The following CFAP61 variants were observed in gnomAD, a reference collection of about 807,000 sequenced individuals.
CFAP61 encodes cilia- and flagella-associated protein 61.
CFAP61 carries 107 observed loss-of-function variants against 135.6 expected under a neutral mutation model. The observed-to-expected ratio is 0.79, with a 90% CI of 0.67 to 0.93. CFAP61 has a LOEUF of 0.93. Ranked by LOEUF, CFAP61 falls within the 40% of genes least tolerant of loss-of-function variation. The pLI is 0.00. For missense variants in CFAP61, 1,507 were observed against 1,556.2 expected (o/e 0.97, Z 0.53); for synonymous variants, 575 against 578.5 (o/e 0.99, Z 0.09).
chr20:20,100,827 T>C (rs547927900), intron 8 of CFAP61, among the ~76,000 whole-genome samples: 62 of 152,280 alleles, frequency 4.1e-4, no homozygotes, highest in African/African-American at 1.5e-3. Context: ...AGTATATCTC[T>C]AGCAAGAGCC....
chr20:20,279,172 CTT>C lies in CFAP61; in HGVS notation c.2796+1716_2796+1717del, dbSNP rs565337303. Among the ~76,000 whole-genome samples, 7 of 152,220 alleles carry C rather than the reference CTT, an allele frequency of 4.6e-5. No homozygotes were observed. In the South Asian group the frequency reaches 1.5e-3, roughly 32 times the overall value. On this transcript the variant is annotated intron_variant, in intron 22 of 26. Coordinates refer to ENST00000245957, the MANE Select transcript of CFAP61 (RefSeq NM_015585.4). The stretch of plus-strand genomic sequence containing the variant: ...TGGATAGCAGCTCTTCTGACCTTCA[CTT>C]TCCTATTCAGATTAGAATCAAACTC...
chr20:20,313,448 G>T (rs867750767), intron 25 of CFAP61, among the ~76,000 whole-genome samples: 90 of 152,204 alleles, frequency 5.9e-4, no homozygotes, highest in African/African-American at 1.9e-3. Flanking sequence ...GTAGGCTGCG[G>T]TGTAGGCAAA....
chr20:20,161,317 G>A (rs2053386380), intron 10 of CFAP61, among the ~76,000 whole-genome samples: 1 of 152,128 alleles, frequency 6.6e-6, no homozygotes, highest in Non-Finnish European at 1.5e-5. Flanking sequence ...GAAGACACCT[G>A]AGTCAACAAG....
At chr20:20,096,613 A>G (rs976632609) in intron 7 of CFAP61, among the ~76,000 whole-genome samples, 2 of 152,246 alleles carry the variant, frequency 1.3e-5, no homozygotes, top group African/African-American at 4.8e-5. Context: ...GCTGTAGATT[A>G]GAAGGACATC....
chr20:20,215,298 C>T (rs897005531), intron 17 of CFAP61: 2 of 152,226 alleles, frequency 1.3e-5, no homozygotes, highest in African/African-American at 2.4e-5. Flanking sequence ...TTAGTTCCCA[C>T]GCAGGTTTCT....
At chr20:20,199,076 CA>C (rs1056836924) in intron 16 of CFAP61, among the ~76,000 whole-genome samples, 95 of 152,250 alleles carry the variant, frequency 6.2e-4, no homozygotes, top group African/African-American at 2.2e-3. Flanking sequence ...TGGATAAAAT[CA>C]ATATTTAAAG....
chr20:20,130,012 G>A (rs576008896), intron 8 of CFAP61, among the ~76,000 whole-genome samples: 11 of 151,456 alleles, frequency 7.3e-5, no homozygotes, highest in Non-Finnish European at 1.0e-4. Flanking sequence ...CTGAGTAGCC[G>A]GGCGCGATGG....
At chr20:20,202,215 G>A (rs1465132891) in intron 17 of CFAP61, among the ~76,000 whole-genome samples, 2 of 152,248 alleles carry the variant, frequency 1.3e-5, no homozygotes, top group Admixed American at 6.5e-5. Context: ...AAGATGTATT[G>A]TTGAAACCCA....
At chr20:20,344,311 A>T (rs920877184) in intron 26 of CFAP61, among the ~76,000 whole-genome samples, 1 of 152,250 alleles carries the variant, frequency 6.6e-6, no homozygotes, top group African/African-American at 2.4e-5. Flanking sequence ...CACGAGCAGC[A>T]GTGGAGGTGA....
chr20:20,109,083 T>C (rs1238453500), intron 8 of CFAP61, among the ~76,000 whole-genome samples: 1 of 152,182 alleles, frequency 6.6e-6, no homozygotes, highest in Non-Finnish European at 1.5e-5. Context: ...TTTATTTTTG[T>C]TTGTTTGATG....
intron 9 of CFAP61, among the ~76,000 whole-genome samples, chr20:20,154,754 A>G (rs1006220797): frequency 6.6e-6 from 1 of 152,168 alleles, no homozygotes; most frequent in Non-Finnish European, 1.5e-5. Flanking sequence ...ACTACAAAAT[A>G]CTGCTGAAAG....
At chr20:20,191,603 A>G (rs2055925578) in intron 15 of CFAP61, among the ~76,000 whole-genome samples, 184 bp downstream of exon 15, 1 of 152,088 alleles carries the variant, frequency 6.6e-6, no homozygotes, top group Admixed American at 6.5e-5. Flanking sequence ...ATTTTTTTGC[A>G]GTTCAGAATA....
At chr20:20,297,133 C>G (rs2055697276) in intron 24 of CFAP61, among the ~76,000 whole-genome samples, 1 of 152,020 alleles carries the variant, frequency 6.6e-6, no homozygotes, top group African/African-American at 2.4e-5. Context: ...TTGGCTGAGT[C>G]CCCCCAGAGG....
chr20:20,355,366 G>A (rs1194742670), intron 26 of CFAP61, among the ~76,000 whole-genome samples: 2 of 120,176 alleles, frequency 1.7e-5, no homozygotes, highest in African/African-American at 3.3e-5. Flanking sequence ...TGGTCACACT[G>A]AGGGGAGGTA....
At chr20:20,147,307 T>C (rs2051974638) in intron 9 of CFAP61, among the ~76,000 whole-genome samples, 2 of 152,228 alleles carry the variant, frequency 1.3e-5, no homozygotes, top group African/African-American at 4.8e-5. Context: ...CTTTACCTCT[T>C]TAAGGAATCT....
At chr20:20,298,023 C>T (rs998367789) in intron 24 of CFAP61, among the ~76,000 whole-genome samples, 158 bp from the exon 25 acceptor site, 5 of 152,168 alleles carry the variant, frequency 3.3e-5, no homozygotes, top group Non-Finnish European at 7.3e-5. Flanking sequence ...CACACTGTCA[C>T]CTTCTGCCGA....
chr20:20,169,955 A>C (rs990870650), intron 13 of CFAP61, among the ~76,000 whole-genome samples: 3 of 152,234 alleles, frequency 2.0e-5, no homozygotes, highest in Admixed American at 6.5e-5. Flanking sequence ...TGAAAACATA[A>C]AAATTAGAAA....
Position 20,056,937 on chromosome 20 carries a change from G to A in CFAP61, c.143+141G>A, listed in dbSNP as rs552978556. ...GTTCAAGACCAGCCTGGCCGACATG[G>A]CAAAACCTCATCTCTACTAAAAATA... On this transcript the variant is annotated intron_variant, in intron 2 of 26. Transcript: ENST00000245957. 99 of 695,260 alleles carry A rather than the reference G, an allele frequency of 1.4e-4. No homozygotes were observed. In the Middle Eastern group the frequency reaches 2.5e-3, roughly 17 times the overall value. 43.1% of individuals were successfully genotyped at this position (695,260 alleles called of 1,614,324 possible).
chr20:20,194,215 C>G (rs2056126269), intron 15 of CFAP61, among the ~76,000 whole-genome samples: 1 of 151,924 alleles, frequency 6.6e-6, no homozygotes, highest in Non-Finnish European at 1.5e-5. Flanking sequence ...TGAATTGATT[C>G]TTCAGTGTCT....
Sources: allele counts gnomAD v4.1 joint callset (sites outside exome capture counted in the v4.1 genomes callset), GRCh38; gene constraint gnomAD v4.1.1; transcripts MANE v1.5; gene names NCBI Gene and HGNC (gene_info 2026-07-23, HGNC 2026-07-21).